CENPW: variants seen among roughly 807,000 people sequenced by gnomAD.
CENPW encodes the protein cancer-up-regulated gene 2 protein.
A neutral mutation model predicts 11.1 loss-of-function variants in CENPW; 3 were observed. That is an observed-to-expected ratio of 0.27 (90% CI 0.12 to 0.70). The LOEUF (loss-of-function observed/expected upper bound fraction) is 0.70, where lower values mean the gene tolerates loss of function less well. Among genes scored for constraint, CENPW ranks in the 30% least tolerant of loss-of-function variants. The pLI, the probability that CENPW is intolerant of heterozygous loss-of-function variation, is 0.77. For synonymous variants in CENPW, 38 were observed against 42.0 expected (o/e 0.91, Z 0.37); for missense variants, 100 against 105.6 (o/e 0.95, Z 0.23).
the CENPW span, among the ~76,000 whole-genome samples, chr6:126,462,467 T>C: frequency 1.3e-5 from 2 of 151,252 alleles, no homozygotes; most frequent in African/African-American, 4.9e-5. Flanking sequence ...AAAACTTTTA[T>C]CTCTTATTCC....
intron 1 of CENPW, among the ~76,000 whole-genome samples, chr6:126,341,909 A>G (rs1020298547): frequency 2.0e-5 from 3 of 152,164 alleles, no homozygotes; most frequent in African/African-American, 7.2e-5. Flanking sequence ...GTGCGGTGGG[A>G]TCCAGGTGGC....
the CENPW span, among the ~76,000 whole-genome samples, chr6:126,428,753 C>T: frequency 6.6e-6 from 1 of 152,142 alleles, no homozygotes; most frequent in East Asian, 1.9e-4. Flanking sequence ...TGCTCTTGAT[C>T]CAATGTAGGA....
chr6:126,382,786 T>C, the CENPW span, among the ~76,000 whole-genome samples: 4 of 152,252 alleles, frequency 2.6e-5, no homozygotes, highest in African/African-American at 9.6e-5. Context: ...TGGGATCATG[T>C]AAAGAGACCA....
At chr6:126,363,346 G>T in the CENPW span, among the ~76,000 whole-genome samples, 1 of 152,160 alleles carries the variant, frequency 6.6e-6, no homozygotes, top group Admixed American at 6.5e-5. Flanking sequence ...TTGAAAATTA[G>T]ATTTCACATA....
rs1394995162 is a variant in CENPW at position 126,346,278 on chromosome 6, G to A, written c.200G>A (p.Cys67Tyr). 6.2e-7 allele frequency: 1 copy of A among 1,608,414 alleles called. No homozygotes were observed. Among genetic ancestry groups the A allele is most frequent in the South Asian group, 1.1e-5 (1 of 90,612 alleles). ...AGGACAAACGCTTGTGCGAGTAAATGTAGAGTCATTAACAAGGAGCATGTA... is the reference window on the plus strand; with the variant it reads ...AGGACAAACGCTTGTGCGAGTAAATATAGAGTCATTAACAAGGAGCATGTA... ...ESRTNACASK[C>Y]RVINKEHVLA... The change falls in exon 2 of 3, where the codon TGT (cysteine) becomes TAT (tyrosine). Residue 67 changes from cysteine to tyrosine, a missense_variant. Transcript: ENST00000368328.
At chr6:126,446,363 CCA>C in the CENPW span, among the ~76,000 whole-genome samples, 63 of 148,838 alleles carry the variant, frequency 4.2e-4, no homozygotes, top group African/African-American at 1.5e-3. Flanking sequence ...CCTGGCCCCC[CCA>C]CAAGAAAAAA....
At chr6:126,375,859 C>T in the CENPW span, among the ~76,000 whole-genome samples, 1 of 152,156 alleles carries the variant, frequency 6.6e-6, no homozygotes, top group African/African-American at 2.4e-5. Flanking sequence ...TAATCCTTTA[C>T]TCCTTTGAGG....
chr6:126,341,037 C>G (rs934056380), intron 1 of CENPW, among the ~76,000 whole-genome samples: 2 of 152,192 alleles, frequency 1.3e-5, no homozygotes, highest in African/African-American at 2.4e-5. Context: ...AATAGAACAC[C>G]TAGTCAGTTT....
the CENPW span, among the ~76,000 whole-genome samples, chr6:126,407,908 TTGCTATGC>T: frequency 1.3e-5 from 2 of 152,220 alleles, no homozygotes; most frequent in Admixed American, 6.5e-5. Context: ...GATAGGTTTT[TTGCTATGC>T]TGAAGTTCTT....
intron 1 of CENPW, 148 bp downstream of exon 1, chr6:126,340,547 G>C (rs1319559182): frequency 3.6e-6 from 4 of 1,105,484 alleles, no homozygotes; most frequent in Non-Finnish European, 5.2e-6. Flanking sequence ...GGGAACGTAT[G>C]CCCCACCCTG....
At chr6:126,471,498 T>G in the CENPW span, among the ~76,000 whole-genome samples, 4 of 152,178 alleles carry the variant, frequency 2.6e-5, no homozygotes, top group East Asian at 7.7e-4. Flanking sequence ...GTCATCAAAA[T>G]ATATGTATCA....
chr6:126,390,303 G>A, the CENPW span, among the ~76,000 whole-genome samples: 10 of 151,788 alleles, frequency 6.6e-5, no homozygotes, highest in Non-Finnish European at 5.9e-5. Flanking sequence ...CAACTAAAGC[G>A]TTCTTTTCTA....
the CENPW span, among the ~76,000 whole-genome samples, chr6:126,423,160 AT>A: frequency 1.5e-4 from 22 of 150,514 alleles, no homozygotes; most frequent in East Asian, 9.7e-4. Flanking sequence ...TGGCTGTAGA[AT>A]TTTTTTTTTA....
the CENPW span, among the ~76,000 whole-genome samples, chr6:126,390,302 C>T: frequency 1.5e-4 from 23 of 151,768 alleles, no homozygotes; most frequent in Admixed American, 1.3e-3. Context: ...GCAACTAAAG[C>T]GTTCTTTTCT....
chr6:126,403,984 C>T, the CENPW span, among the ~76,000 whole-genome samples: 30 of 152,124 alleles, frequency 2.0e-4, no homozygotes, highest in African/African-American at 7.0e-4. Context: ...ATCCAAGCCT[C>T]ATTTACAGTT....
At chr6:126,341,007 A>G (rs1466528194) in intron 1 of CENPW, among the ~76,000 whole-genome samples, 1 of 152,162 alleles carries the variant, frequency 6.6e-6, no homozygotes, top group Non-Finnish European at 1.5e-5. Context: ...TCAACTGTTA[A>G]TTCATTTCGC....
the CENPW span, among the ~76,000 whole-genome samples, chr6:126,412,079 CT>C: frequency 8.2e-6 from 1 of 121,410 alleles, no homozygotes; most frequent in Non-Finnish European, 1.8e-5. Context: ...TCCTTTCTCT[CT>C]CTCTCTCTCC....
chr6:126,469,497 G>A, the CENPW span, among the ~76,000 whole-genome samples: 3 of 152,244 alleles, frequency 2.0e-5, no homozygotes, highest in Admixed American at 6.5e-5. Context: ...ACAGAGTATC[G>A]TTACTAACAG....
the CENPW span, among the ~76,000 whole-genome samples, chr6:126,442,943 C>G: frequency 6.6e-6 from 1 of 150,984 alleles, no homozygotes; most frequent in Non-Finnish European, 1.5e-5. Flanking sequence ...CATAGAATTT[C>G]TAAATTTCTA....
Sources: allele counts gnomAD v4.1 joint callset (sites outside exome capture counted in the v4.1 genomes callset), GRCh38; gene constraint gnomAD v4.1.1; transcripts MANE v1.5; gene names NCBI Gene and HGNC (gene_info 2026-07-23, HGNC 2026-07-21).